Variants in CDH18 observed in about 807,000 individuals in gnomAD.
The protein encoded by CDH18 is cadherin-18.
A neutral mutation model predicts 67.9 loss-of-function variants in CDH18; 31 were observed. That is an observed-to-expected ratio of 0.46 (90% CI 0.34 to 0.62). The LOEUF is 0.62. Ranked by LOEUF, CDH18 falls within the 20% of genes least tolerant of loss-of-function variation. CDH18 has a pLI of 0.01. For synonymous variants in CDH18, 362 were observed against 347.2 expected (o/e 1.04, Z -0.48); for missense variants, 890 against 975.5 (o/e 0.91, Z 1.17).
chr5:19,686,236 C>T (rs1761081141), intron 5 of CDH18, among the ~76,000 whole-genome samples: 1 of 152,060 alleles, frequency 6.6e-6, no homozygotes, highest in Middle Eastern at 3.4e-3. Context: ...GGACATGACA[C>T]TAAAAAACTT....
At chr5:20,250,492 C>T (rs888530629) in intron 2 of CDH18, among the ~76,000 whole-genome samples, 13 of 148,352 alleles carry the variant, frequency 8.8e-5, no homozygotes, top group Non-Finnish European at 1.9e-4. Flanking sequence ...GGGGTTTCAC[C>T]TTGTTGGCCA....
At chr5:19,817,490 T>C (rs1240834618) in intron 3 of CDH18, among the ~76,000 whole-genome samples, 7 of 152,010 alleles carry the variant, frequency 4.6e-5, no homozygotes, top group Admixed American at 4.6e-4. Context: ...AAGTTAATAA[T>C]GGGAGAGGGG....
At chr5:19,509,387 C>T (rs1430874335) in intron 10 of CDH18, among the ~76,000 whole-genome samples, 4 of 152,052 alleles carry the variant, frequency 2.6e-5, no homozygotes, top group South Asian at 2.1e-4. Context: ...CCAATCCCCA[C>T]CAGTATACAA....
At chr5:20,483,086 C>T (rs545219582) in intron 1 of CDH18, among the ~76,000 whole-genome samples, 21 of 152,030 alleles carry the variant, frequency 1.4e-4, no homozygotes, top group East Asian at 1.4e-3. Context: ...GATGTAACAT[C>T]GGCATACAAA....
At position 20,023,137 on chromosome 5, in the gene CDH18, G is replaced by A. The variant is rs1911840; in HGVS notation, c.-517-31123C>T. ...TGGAATTCCTTTCTATTATGATAGCGCCATTCTGATCTGACATATTCTTTT... is the reference window on the plus strand; with the variant it reads ...TGGAATTCCTTTCTATTATGATAGCACCATTCTGATCTGACATATTCTTTT... On this transcript the variant is annotated intron_variant, in intron 2 of 14. Coordinates refer to the CDH18 transcript ENST00000507958. 0.018 allele frequency among the ~76,000 whole-genome samples: 2,696 copies of A among 151,982 alleles called. 181 individuals are homozygous for A. The East Asian group carries it at 0.25, about 14-fold the overall frequency.
At position 20,182,170 on chromosome 5, in the gene CDH18, C is replaced by T. The variant is rs924343243; in HGVS notation, c.-518+73274G>A. Among the ~76,000 whole-genome samples the T allele has an allele frequency of 2.0e-5, 3 of 151,992 alleles. 1 individual carries two copies. The highest frequency in any genetic ancestry group is 2.9e-5 in the Non-Finnish European group (2 of 67,982). The stretch of plus-strand genomic sequence containing the variant: ...AGGGATAATAGCAAAACCAAGAGAA[C>T]ATTATTGATTTTTATACAGTTTCGA... On this transcript the variant is annotated intron_variant, in intron 2 of 14. Transcript: ENST00000507958.
At chr5:20,431,442 C>T (rs978043127) in intron 1 of CDH18, among the ~76,000 whole-genome samples, 4 of 142,386 alleles carry the variant, frequency 2.8e-5, no homozygotes, top group African/African-American at 7.9e-5. Context: ...TGCAGTGAAC[C>T]GAGTTTGTGC....
At chr5:20,154,636 T>G (rs1751382517) in intron 2 of CDH18, among the ~76,000 whole-genome samples, 1 of 152,170 alleles carries the variant, frequency 6.6e-6, no homozygotes, top group Non-Finnish European at 1.5e-5. Flanking sequence ...GTGCCATTCT[T>G]TATGATTATT....
Position 19,924,557 on chromosome 5 carries a change from C to T in CDH18, c.-257+56503G>A, listed in dbSNP as rs868518662. On this transcript the variant is annotated intron_variant, in intron 2 of 12. Transcript: ENST00000382275. ...GGGAGGATCACTTGAGCCTGGGAGA[C>T]GGTGATTGCAGTGAGCCCAGATCGC... Among the ~76,000 whole-genome samples, 134 of 152,042 alleles carry T rather than the reference C, an allele frequency of 8.8e-4. 2 individuals carry two copies. The highest frequency in any genetic ancestry group is 3.6e-3 in the Admixed American group (55 of 15,252).
At chr5:20,416,707 C>T (rs1437898091) in intron 1 of CDH18, among the ~76,000 whole-genome samples, 1 of 151,950 alleles carries the variant, frequency 6.6e-6, no homozygotes, top group Non-Finnish European at 1.5e-5. Flanking sequence ...TCTCATGGAA[C>T]ATAGAGTCTT....
At chr5:19,928,088 T>C (rs1286744719) in intron 2 of CDH18, among the ~76,000 whole-genome samples, 2 of 152,294 alleles carry the variant, frequency 1.3e-5, no homozygotes, top group East Asian at 3.9e-4. Flanking sequence ...TGATTCATTG[T>C]CATGGAGAAG....
intron 1 of CDH18, among the ~76,000 whole-genome samples, chr5:20,296,869 A>C (rs1045984899): frequency 1.3e-5 from 2 of 151,954 alleles, no homozygotes; most frequent in Admixed American, 6.6e-5. Context: ...AGTGAAATAA[A>C]TGAATAAAGA....
At chr5:19,750,527 T>A (rs1046507516) in intron 3 of CDH18, among the ~76,000 whole-genome samples, 1 of 152,058 alleles carries the variant, frequency 6.6e-6, no homozygotes, top group South Asian at 2.1e-4. Flanking sequence ...TAGAAATATG[T>A]CATCTCTGAG....
In CDH18 at chr5:20,150,177, T is replaced by G. The variant is rs571739206; in HGVS notation, c.-518+105267A>C. On this transcript the variant is annotated intron_variant, in intron 2 of 14. Coordinates refer to the CDH18 transcript ENST00000507958. ...ACTTTAAGAACTAGGTTTAAGAAATTATAATTTTACCTGTGGAAAAAAGAT... is the reference window on the plus strand; with the variant it reads ...ACTTTAAGAACTAGGTTTAAGAAATGATAATTTTACCTGTGGAAAAAAGAT... Among the ~76,000 whole-genome samples the G allele has an allele frequency of 3.3e-5, 5 of 152,236 alleles. No homozygotes were observed. In the South Asian group the frequency reaches 1.0e-3, roughly 32 times the overall value.
intron 1 of CDH18, among the ~76,000 whole-genome samples, chr5:20,256,060 A>T (rs1744209838): frequency 6.6e-6 from 1 of 151,988 alleles, no homozygotes; most frequent in Admixed American, 6.6e-5. Context: ...ATAAATCAAT[A>T]AAAAATATAT....
chr5:20,178,507 A>G (rs1737418130), intron 2 of CDH18, among the ~76,000 whole-genome samples: 1 of 151,448 alleles, frequency 6.6e-6, no homozygotes, highest in South Asian at 2.1e-4. Context: ...ATTAAGAAAA[A>G]AAAAAACATG....
intron 3 of CDH18, among the ~76,000 whole-genome samples, chr5:19,827,826 G>A (rs146553189): frequency 3.8e-4 from 57 of 151,820 alleles, no homozygotes; most frequent in Admixed American, 2.9e-3. Flanking sequence ...CGAAATAAGA[G>A]CAAACCAACC....
chr5:20,330,873 T>G (rs1739107611), intron 1 of CDH18, among the ~76,000 whole-genome samples: 1 of 152,214 alleles, frequency 6.6e-6, no homozygotes, highest in South Asian at 2.1e-4. Flanking sequence ...TAAAGCTTTT[T>G]AATAAACTTT....
intron 2 of CDH18, among the ~76,000 whole-genome samples, chr5:19,886,992 G>A (rs1408852031): frequency 6.6e-6 from 1 of 151,876 alleles, no homozygotes; most frequent in Non-Finnish European, 1.5e-5. Flanking sequence ...TATGCATACT[G>A]TTATTGATGT....
Sources: allele counts gnomAD v4.1 joint callset (sites outside exome capture counted in the v4.1 genomes callset), GRCh38; gene constraint gnomAD v4.1.1; transcripts MANE v1.5; gene names NCBI Gene and HGNC (gene_info 2026-07-23, HGNC 2026-07-21).